The following SMYD4 variants were observed in gnomAD, a reference collection of about 807,000 sequenced individuals.
The protein encoded by SMYD4 is protein-lysine N-methyltransferase SMYD4.
Under a neutral mutation model 72.8 loss-of-function variants are expected in SMYD4, and 68 were observed. That is an observed-to-expected ratio of 0.93 (90% CI 0.77 to 1.14). The LOEUF (loss-of-function observed/expected upper bound fraction) is 1.14, where lower values mean the gene tolerates loss of function less well. Among genes scored for constraint, SMYD4 ranks in the 50% most tolerant of loss-of-function variants. The pLI is 0.00. For missense variants in SMYD4, 984 were observed against 1,003.7 expected, an observed-to-expected ratio of 0.98 and a Z score of 0.27; for synonymous variants, 407 against 388.6, an observed-to-expected ratio of 1.05 and a Z score of -0.56.
intron 4 of SMYD4, chr17:1,804,239 C>T (rs183320774): frequency 2.7e-4 from 57 of 208,338 alleles, no homozygotes; most frequent in African/African-American, 1.2e-3. Context: ...GGTGCGATCT[C>T]GGCTCACTGT....
intron 2 of SMYD4, among the ~76,000 whole-genome samples, chr17:1,813,830 G>C (rs970885218): frequency 1.3e-5 from 2 of 151,750 alleles, no homozygotes; most frequent in Non-Finnish European, 2.9e-5. Flanking sequence ...TAAATATAGA[G>C]ACATATACAC....
In SMYD4 at chr17:1,800,128, A is replaced by G. The variant is rs192319291; in HGVS notation, c.1266T>C (p.Tyr422=). The change falls in exon 5 of 11, where the codon TAT becomes TAC. Residue 422 remains tyrosine (Y), a synonymous_variant. Transcript: ENST00000305513. ...CDINGKYENN[Y]NAVFNLLPHT... is the part of the protein sequence containing the mutation. Reference sequence around the variant, plus strand: ...GGGGCAAAAGGTTGAAGACAGCATTATAATTATTTTCATACTTCCCATTAA... The same window carrying G: ...GGGGCAAAAGGTTGAAGACAGCATTGTAATTATTTTCATACTTCCCATTAA... 5.4e-5 allele frequency: 87 copies of G among 1,610,968 alleles called. No individual in the cohort carries two copies. The East Asian group carries it at 1.7e-3, about 31-fold the overall frequency.
At chr17:1,792,414 C>T (rs1909096789) in intron 5 of SMYD4, among the ~76,000 whole-genome samples, 1 of 151,828 alleles carries the variant, frequency 6.6e-6, no homozygotes, top group South Asian at 2.1e-4. Flanking sequence ...TTTGGGAGGC[C>T]AAGGTGGGCG....
In SMYD4 at chr17:1,784,442, C is replaced by A; in HGVS notation, c.1904G>T (p.Cys635Phe). Residue 635 changes from cysteine to phenylalanine, a missense_variant, in exon 8 of 11, where the codon TGT becomes TTT. By Grantham distance (205) the Cys-to-Phe change is radical. Coordinates refer to ENST00000305513, the MANE Select transcript of SMYD4 (RefSeq NM_052928.3). ...GGATTCTGCACAAGATCTGCTGCCA[C>A]AGCGCAGCACGTCATCTCCCTGTGG... ...APMQGDDVLRCGSRSCAESAV... is the reference protein window; with the variant it reads ...APMQGDDVLRFGSRSCAESAV... The A allele has an allele frequency of 6.2e-7, 1 of 1,614,190 alleles. No homozygotes were observed. The highest frequency in any genetic ancestry group is 8.5e-7 in the Non-Finnish European group (1 of 1,180,050).
At chr17:1,798,822 C>G (rs1909542966) in intron 5 of SMYD4, among the ~76,000 whole-genome samples, 1 of 151,898 alleles carries the variant, frequency 6.6e-6, no homozygotes, top group Non-Finnish European at 1.5e-5. Flanking sequence ...TCATTTGAAC[C>G]TGGGAGGTGG....
At chr17:1,784,632 C>G (rs1026565725) in intron 7 of SMYD4, 171 bp from the exon 8 acceptor site, 1 of 938,622 alleles carries the variant, frequency 1.1e-6, no homozygotes, top group African/African-American at 1.8e-5. Context: ...GCGGCAATGG[C>G]GGCAATTCTA....
chr17:1,814,549 G>C (rs1388225554), intron 2 of SMYD4: 2 of 152,072 alleles, frequency 1.3e-5, no homozygotes, highest in African/African-American at 4.8e-5. Context: ...AATAGGGCTG[G>C]GTGCAGTGGC....
chr17:1,791,721 T>TA (rs1335518707), intron 5 of SMYD4, among the ~76,000 whole-genome samples: 35 of 152,118 alleles, frequency 2.3e-4, no homozygotes, highest in Non-Finnish European at 4.1e-4. Flanking sequence ...TTATCTTTAT[T>TA]ATTAAAAAAA....
At chr17:1,804,203 C>T (rs1909919753) in intron 4 of SMYD4, 1 of 177,340 alleles carries the variant, frequency 5.6e-6, no homozygotes, top group African/African-American at 2.5e-5. Context: ...TAGAGTCTCA[C>T]TCTGTCACCC....
Position 1,799,909 on chromosome 17 carries a change from G to C in SMYD4, c.1485C>G (p.His495Gln). The C allele has an allele frequency of 6.2e-7, 1 of 1,613,490 alleles. No individual in the cohort carries two copies. Among genetic ancestry groups the C allele is most frequent in the Admixed American group, 1.7e-5 (1 of 59,966 alleles). Residue 495 changes from histidine to glutamine, a missense_variant, in exon 5 of 11, where the codon CAC becomes CAG. Coordinates refer to ENST00000305513, the MANE Select transcript of SMYD4 (RefSeq NM_052928.3). Reference sequence around the variant, plus strand: ...GAGCGTTACACTGAAGCTGTAACATGTGTCTCAGCATCGCCACTCCCCAAA... The same window carrying C: ...GAGCGTTACACTGAAGCTGTAACATCTGTCTCAGCATCGCCACTCCCCAAA... Reference protein sequence around the residue: ...VTIWGVAMLRHMLQLQCNAQA... With the variant: ...VTIWGVAMLRQMLQLQCNAQA...
At chr17:1,819,777 A>T (rs1910800224) in intron 2 of SMYD4, among the ~76,000 whole-genome samples, 1 of 151,974 alleles carries the variant, frequency 6.6e-6, no homozygotes, top group African/African-American at 2.4e-5. Flanking sequence ...CACAGACATA[A>T]TATGTATTTA....
At chr17:1,803,005 G>T (rs151218822) in intron 4 of SMYD4, among the ~76,000 whole-genome samples, 4 of 152,188 alleles carry the variant, frequency 2.6e-5, no homozygotes, top group Non-Finnish European at 5.9e-5. Context: ...TTAGCCGGGC[G>T]TGGTGGTGCA....
chr17:1,781,549 A>C, intron 10 of SMYD4, 110 bp from the exon 11 acceptor site: 1 of 1,289,310 alleles, frequency 7.8e-7, no homozygotes, highest in Non-Finnish European at 1.1e-6. Flanking sequence ...GTCATCAAGG[A>C]TCCTACAATC....
intron 5 of SMYD4, among the ~76,000 whole-genome samples, chr17:1,790,864 C>T (rs111282300): frequency 0.019 from 2,907 of 151,628 alleles, 115 homozygotes; most frequent in African/African-American, 0.067. Context: ...CGGTGGCTCA[C>T]GCCTGTAATC....
At position 1,811,981 on chromosome 17, in the gene SMYD4, A is replaced by G. The variant is rs561376627; in HGVS notation, c.269T>C (p.Leu90Pro). The G allele has an allele frequency of 4.3e-6, 7 of 1,613,856 alleles. No homozygotes were observed. In the African/African-American group the frequency reaches 6.7e-5, roughly 15 times the overall value. ...QEKDYTGAAVLYSKGVSHSRP... is the reference protein window; with the variant it reads ...QEKDYTGAAVPYSKGVSHSRP... ...CTGGGAGTGTTTTACCTTAGAGTAC[A>G]GCACTGCAGCTCCTGTGTAATCTTT... Residue 90 changes from leucine (L) to proline (P), a missense_variant, in exon 3 of 11, where the codon CTG becomes CCG. Coordinates refer to ENST00000305513, the MANE Select transcript of SMYD4 (RefSeq NM_052928.3).
intron 7 of SMYD4, among the ~76,000 whole-genome samples, chr17:1,785,255 C>G (rs994532238): frequency 9.6e-5 from 14 of 146,072 alleles, no homozygotes; most frequent in African/African-American, 3.5e-4. Context: ...AACCCCGTCT[C>G]TACTAAAAAT....
intron 5 of SMYD4, among the ~76,000 whole-genome samples, chr17:1,790,612 G>C (rs1469912451): frequency 6.6e-6 from 1 of 152,010 alleles, no homozygotes; most frequent in Non-Finnish European, 1.5e-5. Flanking sequence ...CGCCTCCTGG[G>C]TTCAAGCGAT....
intron 6 of SMYD4, 115 bp downstream of exon 6, chr17:1,787,307 T>G: frequency 7.3e-7 from 1 of 1,364,474 alleles, no homozygotes; most frequent in Non-Finnish European, 1.0e-6. Flanking sequence ...TCACTGCCTC[T>G]TCCAGGAAGC....
At chr17:1,822,271 GTTAAT>G (rs1910933024) in intron 2 of SMYD4, among the ~76,000 whole-genome samples, 1 of 152,074 alleles carries the variant, frequency 6.6e-6, no homozygotes, top group African/African-American at 2.4e-5. Context: ...AGAAGAAACA[GTTAAT>G]TTAAAGTAGC....
Sources: allele counts gnomAD v4.1 joint callset (sites outside exome capture counted in the v4.1 genomes callset), GRCh38; gene constraint gnomAD v4.1.1; transcripts MANE v1.5; gene names NCBI Gene and HGNC (gene_info 2026-07-23, HGNC 2026-07-21).